BTBD9: variants seen among roughly 807,000 people sequenced by gnomAD.
BTBD9 encodes BTB domain containing 9.
In BTBD9, 49 loss-of-function variants were observed where a neutral mutation model predicts 64.3. That is an observed-to-expected ratio of 0.76 (90% CI 0.61 to 0.97). The LOEUF is 0.97. Ranked by LOEUF, BTBD9 falls within the 50% of genes least tolerant of loss-of-function variation. BTBD9 has a pLI of 0.00. For missense variants in BTBD9, 598 were observed against 762.1 expected, an observed-to-expected ratio of 0.78 and a Z score of 2.53; for synonymous variants, 260 against 274.7, an observed-to-expected ratio of 0.95 and a Z score of 0.53.
At chr6:38,601,198 G>T (rs1777227980) in intron 1 of BTBD9, among the ~76,000 whole-genome samples, 1 of 152,200 alleles carries the variant, frequency 6.6e-6, no homozygotes, top group African/African-American at 2.4e-5. Context: ...CTATATTGTT[G>T]TAGGTTTCCA....
chr6:38,478,455 T>C (rs537429499), intron 6 of BTBD9, among the ~76,000 whole-genome samples: 20 of 152,316 alleles, frequency 1.3e-4, no homozygotes, highest in African/African-American at 2.2e-4. Context: ...CTATTTTTTT[T>C]AGAGAATTAC....
intron 6 of BTBD9, among the ~76,000 whole-genome samples, chr6:38,347,728 G>A (rs941998905): frequency 1.9e-4 from 29 of 152,210 alleles, no homozygotes; most frequent in African/African-American, 6.8e-4. Flanking sequence ...AGGGCCAGGC[G>A]TGGTAGCCCT....
intron 6 of BTBD9, among the ~76,000 whole-genome samples, chr6:38,408,648 A>C (rs1463729016): frequency 6.6e-6 from 1 of 152,254 alleles, no homozygotes; most frequent in African/African-American, 2.4e-5. Flanking sequence ...CTGAACATAC[A>C]AACTATAAAT....
chr6:38,375,428 A>G (rs1370298192), intron 6 of BTBD9, among the ~76,000 whole-genome samples: 2 of 152,200 alleles, frequency 1.3e-5, no homozygotes, highest in Non-Finnish European at 2.9e-5. Flanking sequence ...TGCACCCTGA[A>G]GATGCTTACA....
intron 6 of BTBD9, among the ~76,000 whole-genome samples, chr6:38,441,688 A>AT (rs1562192549): frequency 2.6e-5 from 4 of 152,144 alleles, no homozygotes; most frequent in African/African-American, 9.7e-5. Context: ...AAGCACTAGT[A>AT]TTAAAGGCAT....
chr6:38,491,705 C>A (rs112193602), intron 6 of BTBD9, among the ~76,000 whole-genome samples: 18 of 151,906 alleles, frequency 1.2e-4, no homozygotes, highest in African/African-American at 3.9e-4. Context: ...AAAAAAAAAT[C>A]TCATTCTCAA....
chr6:38,609,369 C>CA (rs999925328), intron 1 of BTBD9, among the ~76,000 whole-genome samples: 31 of 149,848 alleles, frequency 2.1e-4, no homozygotes, highest in East Asian at 7.8e-4. Context: ...GACCTTGTCT[C>CA]AAAAAAAAAG....
chr6:38,467,249 C>T (rs1770436908), intron 6 of BTBD9, among the ~76,000 whole-genome samples: 1 of 152,256 alleles, frequency 6.6e-6, no homozygotes, highest in South Asian at 2.1e-4. Flanking sequence ...TCCCTTTTAG[C>T]TTGGTTTTCA....
At position 38,509,484 on chromosome 6, in the gene BTBD9, C is replaced by T. The variant is rs140339942; in HGVS notation, c.1154+68116G>A. Among the ~76,000 whole-genome samples, 1,278 of 152,256 alleles carry T rather than the reference C, an allele frequency of 8.4e-3. 33 individuals are homozygous for T. The highest frequency in any genetic ancestry group is 0.057 in the Admixed American group (879 of 15,296). On this transcript the variant is annotated intron_variant, in intron 6 of 10. Coordinates refer to ENST00000481247, the MANE Select transcript of BTBD9 (RefSeq NM_001099272.2). Reference sequence around the variant, plus strand: ...ACCTTATAAATACTGGCTGGAAAGGCACAGGTCACAGAAAAACATCAGCTA... The same window carrying T: ...ACCTTATAAATACTGGCTGGAAAGGTACAGGTCACAGAAAAACATCAGCTA...
chr6:38,462,998 G>T (rs947679034), intron 6 of BTBD9, among the ~76,000 whole-genome samples: 3 of 152,130 alleles, frequency 2.0e-5, no homozygotes, highest in African/African-American at 7.2e-5. Context: ...AGGTTGCCAT[G>T]TTGCCCAGGC....
rs1761816740 is a variant in BTBD9 at position 38,288,156 on chromosome 6, A to G, written c.1454+116T>C. The stretch of plus-strand genomic sequence containing the variant: ...CTCCCACTCCTTTCTTGATACTTAG[A>G]GCAAAGAACAGTAGAATTTCTTCAC... On this transcript the variant is annotated intron_variant, in intron 8 of 10. Coordinates refer to ENST00000481247, the MANE Select transcript of BTBD9 (RefSeq NM_001099272.2). The G allele has an allele frequency of 6.4e-6, 7 of 1,095,036 alleles. No individual in the cohort carries two copies. The East Asian group carries it at 1.5e-4, about 23-fold the overall frequency. 67.8% of individuals were successfully genotyped at this position (1,095,036 alleles called of 1,614,324 possible).
At chr6:38,383,251 G>A (rs2127616406) in intron 6 of BTBD9, among the ~76,000 whole-genome samples, 1 of 152,226 alleles carries the variant, frequency 6.6e-6, no homozygotes, top group South Asian at 2.1e-4. Context: ...AACTTTAAAT[G>A]AGAAAAACCC....
chr6:38,501,534 T>C (rs1327553203), intron 6 of BTBD9, among the ~76,000 whole-genome samples: 1 of 152,338 alleles, frequency 6.6e-6, no homozygotes, highest in East Asian at 1.9e-4. Context: ...CTAGTTTTTC[T>C]TTCACTGCAG....
At chr6:38,517,753 T>C (rs1773100584) in intron 6 of BTBD9, among the ~76,000 whole-genome samples, 1 of 152,222 alleles carries the variant, frequency 6.6e-6, no homozygotes, top group Non-Finnish European at 1.5e-5. Context: ...TGAGTCACCT[T>C]CCATGTCTCT....
At chr6:38,210,274 G>A (rs1762785231) in intron 9 of BTBD9, among the ~76,000 whole-genome samples, 1 of 151,632 alleles carries the variant, frequency 6.6e-6, no homozygotes, top group Non-Finnish European at 1.5e-5. Flanking sequence ...ATAATAGCAC[G>A]AACATAATTT....
At chr6:38,228,929 T>A (rs896979119) in intron 9 of BTBD9, among the ~76,000 whole-genome samples, 2 of 152,052 alleles carry the variant, frequency 1.3e-5, no homozygotes, top group Non-Finnish European at 2.9e-5. Flanking sequence ...CTGGGCATGG[T>A]GGCTTACGCC....
Position 38,172,226 on chromosome 6 carries a change from C to T in BTBD9, c.*2759G>A, listed in dbSNP as rs1004587840. 1 of 152,404 alleles carries T rather than the reference C, an allele frequency of 6.6e-6. No individual in the cohort carries two copies. The highest frequency in any genetic ancestry group is 1.5e-5 in the Non-Finnish European group (1 of 68,160). 9.4% of individuals were successfully genotyped at this position (152,404 alleles called of 1,614,324 possible). On this transcript the variant is annotated 3_prime_UTR_variant, in exon 11 of 11. Coordinates refer to ENST00000481247, the MANE Select transcript of BTBD9 (RefSeq NM_001099272.2). Reference sequence around the variant, plus strand: ...GGGCTCTGTGGTGCCCAGGAGCCCTCCCAGCCACGTGCCAGCCCATCCCAT... The same window carrying T: ...GGGCTCTGTGGTGCCCAGGAGCCCTTCCAGCCACGTGCCAGCCCATCCCAT...
intron 6 of BTBD9, among the ~76,000 whole-genome samples, chr6:38,481,433 G>A (rs573111694): frequency 3.9e-5 from 6 of 152,320 alleles, no homozygotes; most frequent in East Asian, 1.9e-4. Context: ...GCCGCACATC[G>A]TAAAGTGTTT....
At chr6:38,375,216 T>C (rs557471581) in intron 6 of BTBD9, among the ~76,000 whole-genome samples, 1 of 152,346 alleles carries the variant, frequency 6.6e-6, no homozygotes, top group East Asian at 1.9e-4. Flanking sequence ...ATCAATGTAA[T>C]AATAAAACAC....
Sources: gnomAD v4.1 joint callset for allele counts (sites outside exome capture counted in the v4.1 genomes callset) on GRCh38, gnomAD v4.1.1 for gene constraint, MANE v1.5 for transcripts, NCBI Gene and HGNC (gene_info 2026-07-23, HGNC 2026-07-21) for gene names.